Variants in MYLK3 observed in about 807,000 individuals in gnomAD.
MYLK3 encodes the protein MLC kinase.
Under a neutral mutation model 76.3 loss-of-function variants are expected in MYLK3, and 55 were observed. The observed-to-expected ratio is 0.72, with a 90% confidence interval of 0.58 to 0.90. The LOEUF is 0.90. MYLK3 is among the 40% of genes least tolerant of loss of function. MYLK3 has a pLI of 0.00. For synonymous variants in MYLK3, 416 were observed against 425.4 expected (o/e 0.98, Z 0.27); for missense variants, 973 against 1,053.6 (o/e 0.92, Z 1.06).
chr16:46,740,801 C>T (rs531442852), intron 1 of MYLK3, among the ~76,000 whole-genome samples: 1 of 152,262 alleles, frequency 6.6e-6, no homozygotes, highest in East Asian at 1.9e-4. Flanking sequence ...ACTCTCCCTC[C>T]TCAGCCTCCC....
At chr16:46,730,525 C>T (rs1966850486) in intron 5 of MYLK3, 68 bp downstream of exon 5, 2 of 1,331,192 alleles carry the variant, frequency 1.5e-6, no homozygotes, top group Admixed American at 1.7e-5. Context: ...CCCAGTTCTC[C>T]AGGTGGTCCC....
chr16:46,741,606 A>G (rs1273549635), intron 1 of MYLK3, among the ~76,000 whole-genome samples: 1 of 151,786 alleles, frequency 6.6e-6, no homozygotes, highest in Non-Finnish European at 1.5e-5. Context: ...TAAGGCACTC[A>G]CCAGTCTCCG....
chr16:46,731,760 C>T lies in MYLK3; in HGVS notation c.1462+448G>A, dbSNP rs78642051. Reference sequence around the variant, plus strand: ...CTCTCTCTCAATCCAAAATGAGACTCATGGTGGCAAGCTCAGGTGGGCAGG... The same window carrying T: ...CTCTCTCTCAATCCAAAATGAGACTTATGGTGGCAAGCTCAGGTGGGCAGG... On this transcript the variant is annotated intron_variant, in intron 4 of 12. Coordinates refer to ENST00000394809, the MANE Select transcript of MYLK3 (RefSeq NM_182493.3). Among the ~76,000 whole-genome samples the T allele has an allele frequency of 5.6e-3, 848 of 152,274 alleles. 6 individuals are homozygous for T. The highest frequency in any genetic ancestry group is 9.8e-3 in the Non-Finnish European group (664 of 68,016).
In MYLK3 at chr16:46,714,202, T is replaced by C. The variant is rs370850358; in HGVS notation, c.1986-1426A>G. ...GCCAGATACTATGCTAAAAGTTTTA[T>C]ACATGTATAGCATCTCTTTCCCTCC... is the stretch of plus-strand genomic sequence containing the variant. On this transcript the variant is annotated intron_variant, in intron 9 of 12. Coordinates refer to ENST00000394809, the MANE Select transcript of MYLK3 (RefSeq NM_182493.3). 2.0e-3 allele frequency among the ~76,000 whole-genome samples: 299 copies of C among 152,278 alleles called. 9 individuals carry two copies. The South Asian group carries it at 0.058, about 30-fold the overall frequency.
At chr16:46,738,591 G>A (rs1395420027) in intron 2 of MYLK3, among the ~76,000 whole-genome samples, 3 of 152,200 alleles carry the variant, frequency 2.0e-5, no homozygotes, top group Non-Finnish European at 2.9e-5. Context: ...CAGCTAAGGA[G>A]TGATCTCTGA....
intron 7 of MYLK3, 100 bp downstream of exon 7, chr16:46,728,924 G>A: frequency 1.2e-6 from 1 of 859,850 alleles, no homozygotes; most frequent in Non-Finnish European, 1.9e-6. Context: ...GTGCCAGGAA[G>A]GGGAAAGGAG....
At chr16:46,753,919 C>A (rs1250681992) in intron 1 of MYLK3, among the ~76,000 whole-genome samples, 1 of 152,092 alleles carries the variant, frequency 6.6e-6, no homozygotes, top group Non-Finnish European at 1.5e-5. Context: ...TCTCAAAAAA[C>A]AAACAGACAA....
intron 8 of MYLK3, 97 bp from the exon 9 acceptor site, chr16:46,721,290 G>A (rs968032866): frequency 5.3e-6 from 6 of 1,132,100 alleles, no homozygotes; most frequent in East Asian, 2.4e-5. Flanking sequence ...GCCTTCAAGG[G>A]ACATGAATGG....
In MYLK3 at chr16:46,703,018, CT is replaced by C. The variant is rs1266808589; in HGVS notation, c.*4685del. ...AGATAAATGAAAAGTGGAATTCCCC[CT>C]CTCCCAATCACCCACTTTTCACACT... On this transcript the variant is annotated 3_prime_UTR_variant, in exon 13 of 13. Transcript: ENST00000394809. 2.0e-5 allele frequency among the ~76,000 whole-genome samples: 3 copies of C among 151,610 alleles called. No individual in the cohort carries two copies. The highest frequency in any genetic ancestry group is 7.3e-5 in the African/African-American group (3 of 41,260).
rs1302265769 is a variant in MYLK3, at chr16:46,737,905, G to T, written c.807C>A (p.Gly269=). 5 of 1,614,208 alleles carry T rather than the reference G, an allele frequency of 3.1e-6. No individual in the cohort carries two copies. The South Asian group carries it at 5.5e-5, about 18-fold the overall frequency. The change falls in exon 3 of 13, where the codon GGC becomes GGA. Residue 269 remains glycine (G), a synonymous_variant. Transcript: ENST00000394809. ...RTGLELAPAP[G]RVNVVSPSLE... ...GGCTCGGGGAGACCACATTGACCCT[G>T]CCGGGTGCTGGAGCCAATTCCAGGC...
intron 3 of MYLK3, among the ~76,000 whole-genome samples, chr16:46,734,410 T>C (rs1418309651): frequency 2.6e-5 from 4 of 152,098 alleles, no homozygotes; most frequent in Non-Finnish European, 5.9e-5. Context: ...GATCAGGAGT[T>C]TGATACCAGA....
intron 1 of MYLK3, among the ~76,000 whole-genome samples, chr16:46,755,501 G>A (rs1330825997): frequency 2.6e-5 from 4 of 151,572 alleles, no homozygotes; most frequent in African/African-American, 9.7e-5. Context: ...TTCAACCTAG[G>A]CCCAAAGTTG....
chr16:46,744,640 C>A (rs1302727703), intron 1 of MYLK3, among the ~76,000 whole-genome samples: 1 of 152,098 alleles, frequency 6.6e-6, no homozygotes, highest in African/African-American at 2.4e-5. Context: ...CCTCGCCCAG[C>A]CTAAAATATT....
upstream of MYLK3, among the ~76,000 whole-genome samples, chr16:46,750,737 C>A (rs36472): frequency 6.6e-6 from 1 of 151,490 alleles, no homozygotes; most frequent in East Asian, 1.9e-4. Flanking sequence ...TGCCTGTAAT[C>A]CCAGCACTTT....
chr16:46,727,086 G>T (rs1430268194), intron 8 of MYLK3, 150 bp downstream of exon 8: 15 of 679,864 alleles, frequency 2.2e-5, no homozygotes, highest in Non-Finnish European at 3.2e-5. Flanking sequence ...GAGGCAGCAA[G>T]AGTGGCCTGT....
chr16:46,702,701 C>G lies in MYLK3; in HGVS notation c.*5003G>C, dbSNP rs1460833582. Among the ~76,000 whole-genome samples, 1 of 152,100 alleles carries G rather than the reference C, an allele frequency of 6.6e-6. No homozygotes were observed. The highest frequency in any genetic ancestry group is 1.5e-5 in the Non-Finnish European group (1 of 68,014). ...CTTTGGGAGGCCGAGGTGGGCAGAT[C>G]ACGAGGTCAAGAGATCGAGACCATC... On this transcript the variant is annotated 3_prime_UTR_variant, in exon 13 of 13. Coordinates refer to ENST00000394809, the MANE Select transcript of MYLK3 (RefSeq NM_182493.3).
rs1596770204 is a variant in MYLK3 at position 46,742,538 on chromosome 16, C to T, written c.478-2391G>A. ...GCAACTCTAGGCCAAGATGGCAAAA[C>T]TCGGCTAGGGCAGTCCCCTCTAAGC... On this transcript the variant is annotated intron_variant, in intron 1 of 12. Coordinates refer to ENST00000394809, the MANE Select transcript of MYLK3 (RefSeq NM_182493.3). 2.0e-5 allele frequency among the ~76,000 whole-genome samples: 3 copies of T among 151,736 alleles called. No homozygotes were observed. In the East Asian group the frequency reaches 5.8e-4, roughly 30 times the overall value.
chr16:46,714,572 A>G (rs1047046534), intron 9 of MYLK3, among the ~76,000 whole-genome samples: 13 of 152,196 alleles, frequency 8.5e-5, no homozygotes, highest in Non-Finnish European at 1.6e-4. Context: ...CAACTAAGGG[A>G]AGAGCCTTCC....
intron 1 of MYLK3, among the ~76,000 whole-genome samples, chr16:46,744,017 A>G (rs975195440): frequency 3.3e-5 from 5 of 152,204 alleles, no homozygotes; most frequent in Admixed American, 1.3e-4. Flanking sequence ...GGTCTGATAC[A>G]AATAAACTGT....
Sources: allele counts gnomAD v4.1 joint callset (sites outside exome capture counted in the v4.1 genomes callset), GRCh38; gene constraint gnomAD v4.1.1; transcripts MANE v1.5; gene names NCBI Gene and HGNC (gene_info 2026-07-23, HGNC 2026-07-21).